OTOA: variants seen among roughly 807,000 people sequenced by gnomAD.
The protein encoded by OTOA is otoancorin, also known as cancer/testis antigen 108.
In OTOA, 70 loss-of-function variants were observed where a neutral mutation model predicts 110.8. The observed-to-expected ratio is 0.63, with a 90% CI of 0.52 to 0.77. The LOEUF is 0.77. Among genes scored for constraint, OTOA ranks in the 30% least tolerant of loss-of-function variants. The pLI is 0.00. For missense variants in OTOA, 917 were observed against 1,075.8 expected, an observed-to-expected ratio of 0.85 and a Z score of 2.06; for synonymous variants, 373 against 431.5, an observed-to-expected ratio of 0.86 and a Z score of 1.68.
At chr16:21,705,887 T>A (rs1898155731) in intron 12 of OTOA, among the ~76,000 whole-genome samples, 1 of 151,152 alleles carries the variant, frequency 6.6e-6, no homozygotes, top group African/African-American at 2.4e-5. Flanking sequence ...TGTGGCGAGC[T>A]GAGATCGTGC....
At chr16:21,759,615 T>C (rs1900103638) in intron 28 of OTOA, among the ~76,000 whole-genome samples, 2 of 152,066 alleles carry the variant, frequency 1.3e-5, no homozygotes, top group Admixed American at 6.6e-5. Flanking sequence ...TTTTGATGGA[T>C]GTTGGTCGGA....
At chr16:21,733,248 GA>G (rs1272816901) in intron 21 of OTOA, among the ~76,000 whole-genome samples, 1 of 128,994 alleles carries the variant, frequency 7.8e-6, no homozygotes, top group African/African-American at 2.9e-5. Flanking sequence ...CTCTTCTTTA[GA>G]AAATACAAAA....
chr16:21,698,566 T>C (rs1270007739), intron 10 of OTOA, among the ~76,000 whole-genome samples: 1 of 152,132 alleles, frequency 6.6e-6, no homozygotes, highest in Non-Finnish European at 1.5e-5. Flanking sequence ...TTTTAAGTCA[T>C]ATGTGCCCTG....
rs1309042121 is a variant in OTOA at position 21,664,174 on chromosome 16, C to T, written c.-63C>T. 1 of 152,246 alleles carries T rather than the reference C, an allele frequency of 6.6e-6. No individual in the cohort carries two copies. The highest frequency in any genetic ancestry group is 1.5e-5 in the Non-Finnish European group (1 of 68,094). 9.4% of individuals were successfully genotyped at this position (152,246 alleles called of 1,614,324 possible). A position where few individuals can be genotyped will look rare whatever the true frequency, so the allele number is the denominator to read the frequency against. ...CCGCTCCCCGCATGAGCCCCGCGGCCCCGCCCTGCGCCACCCGCCCGCCCG... is the reference window on the plus strand; with the variant it reads ...CCGCTCCCCGCATGAGCCCCGCGGCTCCGCCCTGCGCCACCCGCCCGCCCG... On this transcript the variant is annotated 5_prime_UTR_variant, in exon 1 of 29. Transcript: ENST00000646100.
intron 10 of OTOA, among the ~76,000 whole-genome samples, chr16:21,700,452 TG>T (rs1335665493): frequency 2.6e-5 from 4 of 151,980 alleles, no homozygotes; most frequent in Non-Finnish European, 1.5e-5. Flanking sequence ...AGGCCAGGCA[TG>T]GTGGCTTACG....
At chr16:21,707,725 TCA>T (rs1365562852) in intron 12 of OTOA, among the ~76,000 whole-genome samples, 6 of 133,482 alleles carry the variant, frequency 4.5e-5, no homozygotes, top group East Asian at 2.2e-4. Context: ...CTTCTCTTTC[TCA>T]CTCTCTCTCT....
chr16:21,669,347 C>T (rs1263592723), intron 1 of OTOA, among the ~76,000 whole-genome samples: 2 of 151,598 alleles, frequency 1.3e-5, no homozygotes, highest in South Asian at 4.2e-4. Context: ...TGTCCCCCAC[C>T]CCAAAAAAAC....
chr16:21,746,692 C>A (rs2141749562), intron 24 of OTOA, among the ~76,000 whole-genome samples: 1 of 141,968 alleles, frequency 7.0e-6, no homozygotes, highest in Non-Finnish European at 1.5e-5. Context: ...AGGAACCCAT[C>A]CTTCTAGTCC....
At chr16:21,695,359 C>T (rs116613936) in intron 9 of OTOA, among the ~76,000 whole-genome samples, 1,615 of 151,262 alleles carry the variant, frequency 0.011, 28 homozygotes, top group African/African-American at 0.037. Flanking sequence ...GCACTCCAGC[C>T]TGGACAACAG....
At chr16:21,667,338 C>T (rs1477425671) in intron 1 of OTOA, among the ~76,000 whole-genome samples, 2 of 152,088 alleles carry the variant, frequency 1.3e-5, no homozygotes, top group Non-Finnish European at 2.9e-5. Flanking sequence ...TTAGACAATA[C>T]GAGGGAAATC....
intron 28 of OTOA, among the ~76,000 whole-genome samples, chr16:21,759,171 C>T (rs1900089593): frequency 6.6e-6 from 1 of 152,066 alleles, no homozygotes; most frequent in African/African-American, 2.4e-5. Flanking sequence ...GAAATCTTTT[C>T]CTCCAGCCCC....
rs1452437316 is a variant in OTOA, at chr16:21,692,342, A to G, written c.739+655A>G. Among the ~76,000 whole-genome samples the G allele has an allele frequency of 2.0e-5, 3 of 151,190 alleles. No homozygotes were observed. The East Asian group carries it at 5.8e-4, about 29-fold the overall frequency. ...ACTCCGTCTCGAAAAAAAAAAAAAG[A>G]GAGAGAGACAGAAGAGAATTTTATT... On this transcript the variant is annotated intron_variant, in intron 9 of 28. Coordinates refer to ENST00000646100, the MANE Select transcript of OTOA (RefSeq NM_144672.4).
At chr16:21,685,463 G>T in intron 7 of OTOA, 102 bp downstream of exon 7, 1 of 1,509,756 alleles carries the variant, frequency 6.6e-7, no homozygotes, top group Non-Finnish European at 9.0e-7. Flanking sequence ...GCACTTCATT[G>T]TCTCTTCCTC....
At chr16:21,696,725 T>C (rs1897947947) in intron 9 of OTOA, among the ~76,000 whole-genome samples, 1 of 151,730 alleles carries the variant, frequency 6.6e-6, no homozygotes, top group Non-Finnish European at 1.5e-5. Context: ...GGCTAATTTT[T>C]CTTTGTATTT....
chr16:21,665,009 T>TAAAC lies in OTOA; in HGVS notation c.-5+780_-5+781insCAAA, dbSNP rs1555495195. Among the ~76,000 whole-genome samples the TAAAC allele has an allele frequency of 6.5e-3, 979 of 151,286 alleles. 12 individuals carry two copies. The highest frequency in any genetic ancestry group is 0.022 in the African/African-American group (917 of 40,894). ...ATAAATAAATAAATAAATAAATAAATAAATAAACAAATAAAGTTGATAGTT... is the reference window on the plus strand; with the variant it reads ...ATAAATAAATAAATAAATAAATAAATAAACAAATAAACAAATAAAGTTGATAGTT... On this transcript the variant is annotated intron_variant, in intron 1 of 28. Coordinates refer to ENST00000646100, the MANE Select transcript of OTOA (RefSeq NM_144672.4).
intron 12 of OTOA, 42 bp from the exon 13 acceptor site, chr16:21,709,846 C>T (rs780577395): frequency 9.0e-6 from 14 of 1,549,206 alleles, no homozygotes; most frequent in African/African-American, 1.4e-5. Flanking sequence ...AGCCACCGCC[C>T]TGCTTCCTGT....
intron 20 of OTOA, among the ~76,000 whole-genome samples, chr16:21,729,196 A>C (rs1899029981): frequency 6.6e-6 from 1 of 151,736 alleles, no homozygotes; most frequent in Admixed American, 6.6e-5. Flanking sequence ...CACTGTACCC[A>C]GCTAATTTTT....
At chr16:21,678,408 A>G (rs1966866025) in intron 1 of OTOA, 103 bp from the exon 2 acceptor site, 2 of 442,948 alleles carry the variant, frequency 4.5e-6, no homozygotes, top group African/African-American at 4.2e-5. Flanking sequence ...CTGAATGTCC[A>G]TATATATATA....
At chr16:21,695,884 TA>T (rs1567372620) in intron 9 of OTOA, among the ~76,000 whole-genome samples, 16 of 54,642 alleles carry the variant, frequency 2.9e-4, no homozygotes, top group African/African-American at 5.6e-4. Context: ...TATATATATA[TA>T]TATATATTTT....
Sources: gnomAD v4.1 joint callset for allele counts (sites outside exome capture counted in the v4.1 genomes callset) on GRCh38, gnomAD v4.1.1 for gene constraint, MANE v1.5 for transcripts, NCBI Gene and HGNC (gene_info 2026-07-23, HGNC 2026-07-21) for gene names.